Variants in KALRN observed in about 807,000 individuals in gnomAD.
The protein encoded by KALRN is kalirin RhoGEF kinase.
In KALRN, 70 loss-of-function variants were observed where a neutral mutation model predicts 353.7. The observed-to-expected ratio is 0.20, with a 90% CI of 0.16 to 0.24. The LOEUF is 0.24. Among genes scored for constraint, KALRN ranks in the 10% least tolerant of loss-of-function variants. KALRN has a pLI of 1.00. For synonymous variants in KALRN, 1,391 were observed against 1,434.8 expected, an observed-to-expected ratio of 0.97 and a Z score of 0.69; for missense variants, 2,791 against 3,756.7, an observed-to-expected ratio of 0.74 and a Z score of 6.72.
chr3:124,143,947 G>T (rs549977200), intron 1 of KALRN, among the ~76,000 whole-genome samples: 38 of 152,186 alleles, frequency 2.5e-4, no homozygotes, highest in Non-Finnish European at 4.7e-4. Context: ...GGGCAGTAAG[G>T]GGGGGATCTA....
chr3:124,044,023 G>T (rs2149096092), intron 1 of KALRN, among the ~76,000 whole-genome samples: 1 of 152,208 alleles, frequency 6.6e-6, no homozygotes, highest in African/African-American at 2.4e-5. Flanking sequence ...AGTTTCCGTA[G>T]TGTCTCTAGA....
At chr3:124,413,688 C>G in intron 14 of KALRN, 23 bp downstream of exon 14, 1 of 1,595,262 alleles carries the variant, frequency 6.3e-7, no homozygotes, top group Non-Finnish European at 8.6e-7. Context: ...GCTCATTCTC[C>G]TGGCAGAGGA....
intron 1 of KALRN, among the ~76,000 whole-genome samples, chr3:124,100,728 A>G (rs533861279): frequency 2.0e-5 from 3 of 152,376 alleles, no homozygotes; most frequent in East Asian, 3.9e-4. Context: ...ATTCTGGACC[A>G]GAAACCAGCT....
chr3:124,125,308 G>C (rs1399224039), intron 1 of KALRN, among the ~76,000 whole-genome samples: 1 of 152,204 alleles, frequency 6.6e-6, no homozygotes, highest in Non-Finnish European at 1.5e-5. Flanking sequence ...TTGAATCTAG[G>C]ACCTTGGATT....
At chr3:124,121,819 G>T (rs778557519) in intron 1 of KALRN, among the ~76,000 whole-genome samples, 15 of 152,210 alleles carry the variant, frequency 9.9e-5, no homozygotes, top group East Asian at 3.8e-4. Context: ...TGAAGGTGCA[G>T]AGTGACTTAG....
chr3:124,649,875 A>C lies in KALRN; in HGVS notation c.5665-933A>C, dbSNP rs1455493458. On this transcript the variant is annotated intron_variant, in intron 37 of 59. Transcript: ENST00000682506. ...GCATTGGCTCATGCTTGTAACCCCAACACTTTGGGAGACTGAAGCGGGAAG... is the reference window on the plus strand; with the variant it reads ...GCATTGGCTCATGCTTGTAACCCCACCACTTTGGGAGACTGAAGCGGGAAG... 2.8e-5 allele frequency among the ~76,000 whole-genome samples: 4 copies of C among 143,320 alleles called. No individual in the cohort carries two copies. In the East Asian group the frequency reaches 8.6e-4, roughly 31 times the overall value. The allele number at this position is 143,320 out of a possible 152,430, so 94.0% of individuals were successfully genotyped here.
At chr3:124,342,090 C>A (rs138213379) in intron 9 of KALRN, among the ~76,000 whole-genome samples, 1,533 of 152,050 alleles carry the variant, frequency 0.01, 15 homozygotes, top group Non-Finnish European at 0.013. Flanking sequence ...AAAATTATAC[C>A]CTGGTGAAAA....
chr3:124,628,779 G>A (rs538156550), intron 34 of KALRN, among the ~76,000 whole-genome samples: 27 of 131,792 alleles, frequency 2.0e-4, no homozygotes, highest in Admixed American at 9.3e-4. Flanking sequence ...TTGTAGAGAC[G>A]GAGTCTTGCC....
At chr3:124,363,295 G>A (rs1315397875) in intron 10 of KALRN, among the ~76,000 whole-genome samples, 1 of 152,154 alleles carries the variant, frequency 6.6e-6, no homozygotes, top group African/African-American at 2.4e-5. Context: ...CAAAATGGGA[G>A]TTGCAGATTC....
chr3:124,372,021 C>G (rs538359645), intron 10 of KALRN, among the ~76,000 whole-genome samples: 17 of 152,232 alleles, frequency 1.1e-4, no homozygotes, highest in African/African-American at 4.1e-4. Context: ...TTTTAGATCC[C>G]ACAAATAAGT....
intron 27 of KALRN, among the ~76,000 whole-genome samples, chr3:124,478,985 A>G (rs1196614074): frequency 6.6e-6 from 1 of 152,242 alleles, no homozygotes; most frequent in Non-Finnish European, 1.5e-5. Flanking sequence ...TGCTTCCTGC[A>G]TGAATCCTTT....
At chr3:124,587,900 G>GC (rs35001232) in intron 34 of KALRN, among the ~76,000 whole-genome samples, 44,645 of 151,080 alleles carry the variant, frequency 0.3, 7,320 homozygotes, top group Middle Eastern at 0.4. Context: ...TCACTATGTT[G>GC]CCAGGCTGGT....
chr3:124,725,674 G>T lies in KALRN; in HGVS notation c.*6204G>T, dbSNP rs1262898126. On this transcript the variant is annotated 3_prime_UTR_variant, in exon 60 of 60. Transcript: ENST00000682506. ...TTTGCTGTCTTTTGACATCCACAAA[G>T]CCAAACTAACAAAGTGTGAAACATA... is the stretch of plus-strand genomic sequence containing the variant. 1.3e-5 allele frequency: 2 copies of T among 152,182 alleles called. No individual in the cohort carries two copies. The highest frequency in any genetic ancestry group is 2.9e-5 in the Non-Finnish European group (2 of 68,028). 9.4% of individuals were successfully genotyped at this position (152,182 alleles called of 1,614,324 possible).
chr3:124,531,864 T>A (rs958922160), intron 33 of KALRN, among the ~76,000 whole-genome samples: 1 of 152,148 alleles, frequency 6.6e-6, no homozygotes, highest in Non-Finnish European at 1.5e-5. Context: ...TACCCTAATT[T>A]CTACTCACCC....
chr3:124,133,975 A>G (rs1013944091), intron 1 of KALRN, among the ~76,000 whole-genome samples: 6 of 152,172 alleles, frequency 3.9e-5, no homozygotes, highest in South Asian at 2.1e-4. Context: ...TACAAATTCA[A>G]TGCAATCCCC....
chr3:124,490,269 C>T (rs529473888), intron 29 of KALRN, among the ~76,000 whole-genome samples: 1 of 152,220 alleles, frequency 6.6e-6, no homozygotes, highest in Non-Finnish European at 1.5e-5. Flanking sequence ...TAATGAATGA[C>T]ACATAAAGAG....
intron 1 of KALRN, among the ~76,000 whole-genome samples, chr3:124,123,214 A>G (rs981792440): frequency 7.0e-6 from 1 of 143,036 alleles, no homozygotes; most frequent in Non-Finnish European, 1.6e-5. Context: ...AAAAAAAGGC[A>G]AGATAGGCAG....
At chr3:124,689,748 T>G (rs2061724629) in intron 51 of KALRN, among the ~76,000 whole-genome samples, 1 of 152,190 alleles carries the variant, frequency 6.6e-6, no homozygotes, top group Non-Finnish European at 1.5e-5. Context: ...ATTTTTCTGC[T>G]ATGTGCAAGA....
chr3:124,183,914 GA>G (rs1321969380), intron 1 of KALRN, among the ~76,000 whole-genome samples: 1 of 152,178 alleles, frequency 6.6e-6, no homozygotes, highest in East Asian at 1.9e-4. Context: ...TGCTCCTTCA[GA>G]ATCCTATAGG....
Sources: allele counts gnomAD v4.1 joint callset (sites outside exome capture counted in the v4.1 genomes callset), GRCh38; gene constraint gnomAD v4.1.1; transcripts MANE v1.5; gene names NCBI Gene and HGNC (gene_info 2026-07-23, HGNC 2026-07-21).